The following MAML2 variants were observed in gnomAD, a reference collection of about 807,000 sequenced individuals.
MAML2 encodes mastermind like transcriptional coactivator 2, also known as mastermind-like protein 2.
In MAML2, 22 loss-of-function variants were observed where a neutral mutation model predicts 96.1. That is an observed-to-expected ratio of 0.23 (90% CI 0.16 to 0.33). The LOEUF is 0.33. MAML2 is among the 10% of genes least tolerant of loss of function. The pLI, the probability that MAML2 is intolerant of heterozygous loss-of-function variation, is 1.00. For synonymous variants in MAML2, 561 were observed against 521.3 expected, an observed-to-expected ratio of 1.08 and a Z score of -1.04; for missense variants, 1,367 against 1,392.4, an observed-to-expected ratio of 0.98 and a Z score of 0.29.
chr11:96,185,442 G>A (rs750077836), intron 1 of MAML2, among the ~76,000 whole-genome samples: 1 of 152,162 alleles, frequency 6.6e-6, no homozygotes, highest in Non-Finnish European at 1.5e-5. Flanking sequence ...AGGGAGGCTC[G>A]ACCATGTTCA....
At chr11:96,307,295 G>A (rs1195103643) in intron 1 of MAML2, among the ~76,000 whole-genome samples, 3 of 152,192 alleles carry the variant, frequency 2.0e-5, no homozygotes, top group South Asian at 4.1e-4. Flanking sequence ...TGCCTTCAGT[G>A]CTGAGCTTAA....
At chr11:95,983,842 T>G (rs1857782601) in intron 4 of MAML2, among the ~76,000 whole-genome samples, 1 of 152,202 alleles carries the variant, frequency 6.6e-6, no homozygotes, top group African/African-American at 2.4e-5. Context: ...ATTTAAAAGT[T>G]GTAAAGCAAA....
At chr11:96,113,603 T>A (rs76768795) in intron 1 of MAML2, among the ~76,000 whole-genome samples, 25,757 of 58,988 alleles carry the variant, frequency 0.44, 2,616 homozygotes, top group Middle Eastern at 0.5. Context: ...CCCCGTTGTT[T>A]GAAAAAAAAA....
At chr11:96,034,004 T>C (rs1858659514) in intron 2 of MAML2, among the ~76,000 whole-genome samples, 1 of 152,228 alleles carries the variant, frequency 6.6e-6, no homozygotes, top group South Asian at 2.1e-4. Context: ...TTTTCTTTCC[T>C]ATTATTTTTA....
chr11:96,190,040 G>C (rs1315346736), intron 1 of MAML2, among the ~76,000 whole-genome samples: 1 of 152,106 alleles, frequency 6.6e-6, no homozygotes, highest in Non-Finnish European at 1.5e-5. Context: ...ATTTCACACT[G>C]AAAATTTGTT....
chr11:95,994,795 C>G (rs1207234102), intron 2 of MAML2, among the ~76,000 whole-genome samples: 1 of 152,122 alleles, frequency 6.6e-6, no homozygotes, highest in Non-Finnish European at 1.5e-5. Context: ...TTTTAAGTAG[C>G]TGACAAGCAT....
At chr11:95,991,462 T>C (rs1857910135) in intron 3 of MAML2, 58 bp downstream of exon 3, 1 of 1,512,040 alleles carries the variant, frequency 6.6e-7, no homozygotes, top group South Asian at 1.1e-5. Context: ...TGGAAAAGAA[T>C]AAACTCCCTC....
chr11:96,338,442 G>A (rs1343546534), intron 1 of MAML2, among the ~76,000 whole-genome samples: 1 of 152,228 alleles, frequency 6.6e-6, no homozygotes, highest in Non-Finnish European at 1.5e-5. Context: ...AAACTGGCTT[G>A]GAGGTTATTC....
At chr11:96,040,928 G>C (rs571615697) in intron 2 of MAML2, among the ~76,000 whole-genome samples, 59 of 152,162 alleles carry the variant, frequency 3.9e-4, no homozygotes, top group Middle Eastern at 3.4e-3. Flanking sequence ...TTTTAATCAG[G>C]CTTCTTTCTC....
At chr11:96,201,180 T>C (rs927852545) in intron 1 of MAML2, among the ~76,000 whole-genome samples, 13 of 152,168 alleles carry the variant, frequency 8.5e-5, no homozygotes, top group Non-Finnish European at 4.4e-5. Context: ...TGAACCTACT[T>C]GATGGATAGA....
Position 96,342,030 on chromosome 11 carries a change from T to TCTCA in MAML2, c.-136_-135insTGAG, listed in dbSNP as rs1864003704. ...CACATGAATAGAGGTCTTCAGAGGT[T>TCTCA]GTGGGGGAGCCGTGGAGAAGTTGTG... On this transcript the variant is annotated 5_prime_UTR_variant, in exon 1 of 5. Transcript: ENST00000524717. 1 of 833,182 alleles carries TCTCA rather than the reference T, an allele frequency of 1.2e-6. No individual in the cohort carries two copies. The highest frequency in any genetic ancestry group is 1.7e-5 in the African/African-American group (1 of 58,170). The allele number at this position is 833,182 out of a possible 1,614,324, so 51.6% of individuals were successfully genotyped here.
Position 96,341,979 on chromosome 11 carries a change from G to C in MAML2, c.-84C>G. 3.7e-6 allele frequency: 5 copies of C among 1,339,792 alleles called. No individual in the cohort carries two copies. The highest frequency in any genetic ancestry group is 5.0e-6 in the Non-Finnish European group (5 of 1,010,024). 83.0% of individuals were successfully genotyped at this position (1,339,792 alleles called of 1,614,324 possible). A position where few individuals can be genotyped will look rare whatever the true frequency, so the allele number is the denominator to read the frequency against. On this transcript the variant is annotated 5_prime_UTR_variant, in exon 1 of 5. Transcript: ENST00000524717. Reference sequence around the variant, plus strand: ...GGCTATTGCAGGCAAGTCTGTTTTTGACAATGTGAGCTCAGTGTTCAGGGC... The same window carrying C: ...GGCTATTGCAGGCAAGTCTGTTTTTCACAATGTGAGCTCAGTGTTCAGGGC...
At chr11:96,200,595 C>G (rs1861806370) in intron 1 of MAML2, among the ~76,000 whole-genome samples, 1 of 152,196 alleles carries the variant, frequency 6.6e-6, no homozygotes, top group African/African-American at 2.4e-5. Flanking sequence ...CACAGCAACC[C>G]TCCTGCATTT....
chr11:96,223,543 CT>C (rs917721286), intron 1 of MAML2, among the ~76,000 whole-genome samples: 1 of 149,708 alleles, frequency 6.7e-6, no homozygotes, highest in Non-Finnish European at 1.5e-5. Flanking sequence ...CAGGTATTTT[CT>C]TTTTTTTTCT....
intron 1 of MAML2, among the ~76,000 whole-genome samples, chr11:96,244,093 T>G (rs1023495191): frequency 1.3e-5 from 2 of 152,192 alleles, no homozygotes; most frequent in Non-Finnish European, 2.9e-5. Flanking sequence ...TCTAGTGAAG[T>G]CTGGAGTACA....
intron 2 of MAML2, among the ~76,000 whole-genome samples, chr11:96,042,800 AG>A (rs1858837412): frequency 7.3e-6 from 1 of 137,464 alleles, no homozygotes; most frequent in Admixed American, 8.2e-5. Flanking sequence ...GCTGGAGTGC[AG>A]TGGTGCCACC....
intron 2 of MAML2, among the ~76,000 whole-genome samples, chr11:96,035,744 T>C (rs888852815): frequency 2.0e-5 from 3 of 152,226 alleles, no homozygotes; most frequent in Non-Finnish European, 4.4e-5. Flanking sequence ...GAAATCTTCA[T>C]ATATTCAAAA....
chr11:96,067,693 T>A (rs1013987300), intron 2 of MAML2, among the ~76,000 whole-genome samples: 1 of 152,192 alleles, frequency 6.6e-6, no homozygotes, highest in South Asian at 2.1e-4. Context: ...GAGGGTCTAT[T>A]GAGTTATTTG....
intron 1 of MAML2, among the ~76,000 whole-genome samples, chr11:96,159,602 T>G (rs187152305): frequency 2.1e-4 from 32 of 152,066 alleles, no homozygotes; most frequent in Non-Finnish European, 4.3e-4. Flanking sequence ...ATTTTTGTAT[T>G]TTTAGTAGAG....
Sources: allele counts gnomAD v4.1 joint callset (sites outside exome capture counted in the v4.1 genomes callset), GRCh38; gene constraint gnomAD v4.1.1; transcripts MANE v1.5; gene names NCBI Gene and HGNC (gene_info 2026-07-23, HGNC 2026-07-21).